ITGAE: variants seen among roughly 807,000 people sequenced by gnomAD.
ITGAE encodes integrin subunit alpha E.
A neutral mutation model predicts 136.5 loss-of-function variants in ITGAE; 99 were observed. That is an observed-to-expected ratio of 0.73 (90% confidence interval 0.62 to 0.86). ITGAE has a LOEUF of 0.86. ITGAE is among the 40% of genes least tolerant of loss of function. ITGAE has a pLI of 0.00. For synonymous variants in ITGAE, 613 were observed against 591.8 expected (o/e 1.04, Z -0.52); for missense variants, 1,447 against 1,515.3 (o/e 0.95, Z 0.75).
At chr17:3,756,030 G>T in intron 10 of ITGAE, 133 bp from the exon 11 acceptor site, 1 of 785,286 alleles carries the variant, frequency 1.3e-6, no homozygotes, top group Non-Finnish European at 2.1e-6. Flanking sequence ...ACCCGGCTGA[G>T]GGTAGAGACC....
chr17:3,767,874 A>G (rs1042291056), intron 2 of ITGAE, among the ~76,000 whole-genome samples: 2 of 152,156 alleles, frequency 1.3e-5, no homozygotes, highest in Non-Finnish European at 2.9e-5. Context: ...TTGGTCTTCC[A>G]AAGTGTCAGA....
At chr17:3,792,098 A>G (rs2143478642) in intron 1 of ITGAE, among the ~76,000 whole-genome samples, 1 of 152,180 alleles carries the variant, frequency 6.6e-6, no homozygotes, top group East Asian at 1.9e-4. Flanking sequence ...CACAAAGTAG[A>G]TATCTATATT....
chr17:3,757,601 G>T, intron 9 of ITGAE, 105 bp downstream of exon 9: 1 of 1,211,714 alleles, frequency 8.3e-7, no homozygotes, highest in Non-Finnish European at 1.2e-6. Flanking sequence ...AATAGAACAG[G>T]GTCTGGATAA....
chr17:3,739,751 G>T, intron 20 of ITGAE, 54 bp downstream of exon 20: 2 of 1,485,946 alleles, frequency 1.3e-6, no homozygotes, highest in Non-Finnish European at 1.9e-6. Context: ...AATTGCCCAG[G>T]CAAGCGTTCG....
At chr17:3,729,254 G>A (rs539492908) in intron 24 of ITGAE, 2 of 508,696 alleles carry the variant, frequency 3.9e-6, no homozygotes, top group African/African-American at 3.8e-5. Flanking sequence ...TTTGTAGCAC[G>A]ACTAGTTGGC....
chr17:3,734,209 T>C (rs1336376612), intron 21 of ITGAE, among the ~76,000 whole-genome samples: 2 of 150,756 alleles, frequency 1.3e-5, no homozygotes, highest in Admixed American at 6.7e-5. Flanking sequence ...TAGCTGGGAC[T>C]ACAGGCACCC....
At chr17:3,722,001 G>A (rs561468865) in intron 28 of ITGAE, among the ~76,000 whole-genome samples, 1 of 152,128 alleles carries the variant, frequency 6.6e-6, no homozygotes, top group Non-Finnish European at 1.5e-5. Flanking sequence ...CCAACATGGA[G>A]AAACCCCATC....
At chr17:3,740,782 C>T (rs1485846268) in intron 19 of ITGAE, among the ~76,000 whole-genome samples, 3 of 152,174 alleles carry the variant, frequency 2.0e-5, no homozygotes, top group Admixed American at 6.5e-5. Flanking sequence ...AGCTCCAGTT[C>T]GTGTTTTTAA....
intron 1 of ITGAE, among the ~76,000 whole-genome samples, chr17:3,781,245 T>A (rs2052660279): frequency 6.6e-6 from 1 of 152,236 alleles, no homozygotes; most frequent in African/African-American, 2.4e-5. Flanking sequence ...ATATTGTTTT[T>A]CCTTTATGAC....
Position 3,759,544 on chromosome 17 carries a change from C to T in ITGAE, c.724G>A (p.Ala242Thr). 1 of 1,611,394 alleles carries T rather than the reference C, an allele frequency of 6.2e-7. No homozygotes were observed. The highest frequency in any genetic ancestry group is 8.5e-7 in the Non-Finnish European group (1 of 1,177,666). ...FYEKCFECNFALVQYGGVIQT... is the reference protein window; with the variant it reads ...FYEKCFECNFTLVQYGGVIQT... ...ATCACTCCTCCATACTGCACCAAGG[C>T]AAAGTTGCACTGCAGGGGATGGGCA... The change falls in exon 8 of 31, where the codon GCC becomes ACC. Residue 242 changes from alanine to threonine, a missense_variant. Transcript: ENST00000263087.
Position 3,745,503 on chromosome 17 carries a change from G to A in ITGAE, c.2319+261C>T, listed in dbSNP as rs373707137. Among the ~76,000 whole-genome samples, 387 of 152,116 alleles carry A rather than the reference G, an allele frequency of 2.5e-3. 1 individual carries two copies. The highest frequency in any genetic ancestry group is 8.1e-3 in the African/African-American group (338 of 41,504). On this transcript the variant is annotated intron_variant, in intron 18 of 30. Transcript: ENST00000263087. ...ATTACAGGCACCCGCCATCACGCCC[G>A]GCTAATTTTTGTGTTTTTAGTGGAG... is the stretch of plus-strand genomic sequence containing the variant.
At chr17:3,784,364 C>A in intron 1 of ITGAE, 1 of 332,152 alleles carries the variant, frequency 3.0e-6, no homozygotes. Context: ...ACCTGACAGA[C>A]AAAACTCTGT....
chr17:3,751,809 G>C lies in ITGAE; in HGVS notation c.1734C>G (p.Gly578=). 1 of 1,614,144 alleles carries C rather than the reference G, an allele frequency of 6.2e-7. No homozygotes were observed. The highest frequency in any genetic ancestry group is 8.5e-7 in the Non-Finnish European group (1 of 1,179,992). The stretch of plus-strand genomic sequence containing the variant: ...GATCCCCCATAGCCGCCATGGCAAA[G>C]CCAAAGCGGGCATTGGTGAACCCGG... ...GHPGFTNARF[G]FAMAAMGDLS... The change falls in exon 15 of 31, where the codon GGC becomes GGG. Residue 578 remains glycine (G), a synonymous_variant. Coordinates refer to ENST00000263087, the MANE Select transcript of ITGAE (RefSeq NM_002208.5).
chr17:3,747,128 C>T (rs2051735901), intron 17 of ITGAE, among the ~76,000 whole-genome samples: 1 of 152,214 alleles, frequency 6.6e-6, no homozygotes, highest in African/African-American at 2.4e-5. Flanking sequence ...GGAACAGTCT[C>T]CTAATGAGTT....
At chr17:3,732,137 C>T (rs1271222044) in intron 22 of ITGAE, among the ~76,000 whole-genome samples, 1 of 152,178 alleles carries the variant, frequency 6.6e-6, no homozygotes, top group Middle Eastern at 3.2e-3. Context: ...CACAACTTCA[C>T]TCTGCTTCAC....
intron 12 of ITGAE, 63 bp from the exon 13 acceptor site, chr17:3,753,988 C>T: frequency 6.4e-7 from 1 of 1,569,504 alleles, no homozygotes; most frequent in South Asian, 1.1e-5. Context: ...CTCTCTTGGC[C>T]CCGGCACCTT....
At position 3,731,125 on chromosome 17, in the gene ITGAE, T is replaced by C. The variant is rs755030282; in HGVS notation, c.2813A>G (p.Asp938Gly). The change falls in exon 23 of 31, where the codon GAC (aspartate) becomes GGC (glycine). Residue 938 changes from aspartate (D) to glycine (G), a missense_variant. Coordinates refer to ENST00000263087, the MANE Select transcript of ITGAE (RefSeq NM_002208.5). ...EENAFPNRTA[D>G]ITVTVTNSNE... Reference sequence around the variant, plus strand: ...TTACTTGGTGACAGTCACAGTGATGTCTGCTGTCCTGTTTGGAAAGGCATT... The same window carrying C: ...TTACTTGGTGACAGTCACAGTGATGCCTGCTGTCCTGTTTGGAAAGGCATT... 7 of 1,613,650 alleles carry C rather than the reference T, an allele frequency of 4.3e-6. No individual in the cohort carries two copies. In the South Asian group the frequency reaches 7.7e-5, roughly 18 times the overall value.
chr17:3,745,919 C>T lies in ITGAE; in HGVS notation c.2164G>A (p.Glu722Lys). Residue 722 changes from glutamate to lysine, a missense_variant, in exon 18 of 31, where the codon GAG becomes AAG. By Grantham distance (56) the Glu-to-Lys change is moderately conservative. This residue lies in a region of ITGAE where 1,031 missense variants were observed against 1,011.4 expected (regional missense o/e 1.02). Transcript: ENST00000263087. ...VTTASESGLREALLNFTLDVD... is the reference protein window; with the variant it reads ...VTTASESGLRKALLNFTLDVD... Reference sequence around the variant, plus strand: ...TCCAGCGTGAAGTTGAGAAGTGCCTCGCGGAGGCCTGGGAATGAAGACCAG... The same window carrying T: ...TCCAGCGTGAAGTTGAGAAGTGCCTTGCGGAGGCCTGGGAATGAAGACCAG... 1.2e-6 allele frequency: 2 copies of T among 1,613,620 alleles called. No homozygotes were observed.
intron 1 of ITGAE, among the ~76,000 whole-genome samples, chr17:3,781,345 TTTTC>T (rs755374118): frequency 1.1e-4 from 17 of 152,124 alleles, no homozygotes; most frequent in East Asian, 1.9e-4. Flanking sequence ...TTCATTTCTT[TTTTC>T]TTTCTTTCTT....
Sources: allele counts gnomAD v4.1 joint callset (sites outside exome capture counted in the v4.1 genomes callset), GRCh38; gene constraint gnomAD v4.1.1; regional missense constraint gnomAD v4.1.1; transcripts MANE v1.5; gene names NCBI Gene and HGNC (gene_info 2026-07-23, HGNC 2026-07-21).